SRFBP1: variants seen among roughly 807,000 people sequenced by gnomAD.
The protein encoded by SRFBP1 is serum response factor binding protein 1.
SRFBP1 carries 47 observed loss-of-function variants against 45.5 expected under a neutral mutation model. The observed-to-expected ratio is 1.03, with a 90% CI of 0.82 to 1.32. SRFBP1 has a LOEUF of 1.32. SRFBP1 is among the 40% of genes most tolerant of loss of function. The pLI, the probability that SRFBP1 is intolerant of heterozygous loss-of-function variation, is 0.00. For synonymous variants in SRFBP1, 203 were observed against 166.3 expected, an observed-to-expected ratio of 1.22 and a Z score of -1.70; for missense variants, 621 against 484.6, an observed-to-expected ratio of 1.28 and a Z score of -2.64.
intron 1 of SRFBP1, among the ~76,000 whole-genome samples, chr5:121,967,864 T>G (rs977743600): frequency 1.3e-5 from 2 of 152,142 alleles, no homozygotes; most frequent in African/African-American, 4.8e-5. Flanking sequence ...ACCCAATAAT[T>G]TTGTTAACTA....
In SRFBP1 at chr5:121,995,130, C is replaced by G. The variant is rs539251963; in HGVS notation, c.270+460C>G. 3.8e-3 allele frequency among the ~76,000 whole-genome samples: 573 copies of G among 151,430 alleles called. 5 individuals are homozygous for G. Among genetic ancestry groups the G allele is most frequent in the African/African-American group, 0.013 (520 of 41,230 alleles). ...CGAGACAGAAAGTCAACAAGGATAC[C>G]CAGGAATTGAACTCAGCTCTGCACC... On this transcript the variant is annotated intron_variant, in intron 4 of 7. Coordinates refer to ENST00000339397, the MANE Select transcript of SRFBP1 (RefSeq NM_152546.3).
At chr5:122,056,870 TAGTC>T (rs543754832) in intron 2 of SRFBP1, among the ~76,000 whole-genome samples, 296 of 152,128 alleles carry the variant, frequency 1.9e-3, no homozygotes, top group Non-Finnish European at 3.6e-3. Context: ...CTAAGGGAAA[TAGTC>T]AGTTGTCTAG....
chr5:122,033,536 C>T (rs1232894049), downstream of SRFBP1, among the ~76,000 whole-genome samples: 1 of 151,826 alleles, frequency 6.6e-6, no homozygotes, highest in Non-Finnish European at 1.5e-5. Context: ...TCTTGACTCA[C>T]TGCAACCTCT....
At chr5:121,972,175 T>C (rs1752212495) in intron 1 of SRFBP1, among the ~76,000 whole-genome samples, 1 of 151,880 alleles carries the variant, frequency 6.6e-6, no homozygotes, top group Non-Finnish European at 1.5e-5. Context: ...TAGTAGAGGT[T>C]CTAGGAAGGC....
Position 121,962,009 on chromosome 5 carries a change from G to A in SRFBP1, c.-24G>A, listed in dbSNP as rs768943009. On this transcript the variant is annotated 5_prime_UTR_variant, in exon 1 of 8. Coordinates refer to ENST00000339397, the MANE Select transcript of SRFBP1 (RefSeq NM_152546.3). ...GAGACCGGTTCACGTGCAGGCAGCG[G>A]CGGATCATATTCCTTCATCTACCAT... 51 of 1,613,254 alleles carry A rather than the reference G, an allele frequency of 3.2e-5. No individual in the cohort carries two copies. Among genetic ancestry groups the A allele is most frequent in the Non-Finnish European group, 4.1e-5 (48 of 1,179,848 alleles).
intron 2 of SRFBP1, among the ~76,000 whole-genome samples, chr5:122,033,733 A>G (rs2112722962): frequency 6.6e-6 from 1 of 150,992 alleles, no homozygotes; most frequent in South Asian, 2.1e-4. Context: ...CGCTGGGATT[A>G]CATGTGTGAG....
chr5:122,052,383 A>G (rs969421327), intron 2 of SRFBP1, among the ~76,000 whole-genome samples: 1 of 152,136 alleles, frequency 6.6e-6, no homozygotes, highest in Non-Finnish European at 1.5e-5. Flanking sequence ...CAGGGATGCC[A>G]GTGAGTTGTA....
chr5:122,024,075 G>T (rs529277272), intron 7 of SRFBP1, among the ~76,000 whole-genome samples: 1 of 152,266 alleles, frequency 6.6e-6, no homozygotes, highest in South Asian at 2.1e-4. Flanking sequence ...GGAGTCAAAG[G>T]CTTTTCTAAA....
chr5:122,066,432 A>C (rs569562204), intron 2 of SRFBP1: 2 of 303,596 alleles, frequency 6.6e-6, no homozygotes, highest in Non-Finnish European at 1.2e-5. Context: ...ATTTTGCACT[A>C]CAATTTCAAA....
chr5:122,044,976 G>A (rs1416450095), intron 2 of SRFBP1, among the ~76,000 whole-genome samples: 1 of 152,074 alleles, frequency 6.6e-6, no homozygotes, highest in Non-Finnish European at 1.5e-5. Context: ...GTCTTTCAGG[G>A]TTTTTATAGT....
At chr5:122,015,326 G>T (rs1753174363) in intron 4 of SRFBP1, among the ~76,000 whole-genome samples, 1 of 152,136 alleles carries the variant, frequency 6.6e-6, no homozygotes, top group Non-Finnish European at 1.5e-5. Context: ...ATAATCTGTT[G>T]CTTTAATTTG....
At chr5:121,988,740 G>A (rs961339400) in intron 3 of SRFBP1, among the ~76,000 whole-genome samples, 1 of 152,274 alleles carries the variant, frequency 6.6e-6, no homozygotes, top group African/African-American at 2.4e-5. Context: ...TTGGTACCTT[G>A]TGGCCCACAG....
intron 4 of SRFBP1, among the ~76,000 whole-genome samples, chr5:121,997,993 A>G (rs1406048284): frequency 7.9e-5 from 12 of 151,708 alleles, no homozygotes; most frequent in Admixed American, 3.3e-4. Flanking sequence ...TTAGAATGGC[A>G]ATCATTAAAA....
downstream of SRFBP1, among the ~76,000 whole-genome samples, chr5:122,032,228 GTATTT>G (rs1753600539): frequency 6.6e-6 from 1 of 151,270 alleles, no homozygotes; most frequent in Admixed American, 6.6e-5. Context: ...GGTTCTGACA[GTATTT>G]TATTTTAATG....
chr5:121,964,741 A>G (rs1395266494), intron 1 of SRFBP1, among the ~76,000 whole-genome samples: 3 of 152,124 alleles, frequency 2.0e-5, no homozygotes, highest in African/African-American at 4.8e-5. Context: ...TGGTATTTCT[A>G]TTGCTAGATC....
At chr5:122,062,802 A>C (rs556095874) in intron 2 of SRFBP1, among the ~76,000 whole-genome samples, 1 of 152,118 alleles carries the variant, frequency 6.6e-6, no homozygotes, top group African/African-American at 2.4e-5. Context: ...GTGCATATTT[A>C]AATAAGGATT....
intron 3 of SRFBP1, among the ~76,000 whole-genome samples, chr5:121,984,761 T>G (rs1332247315): frequency 6.6e-6 from 1 of 151,754 alleles, no homozygotes; most frequent in East Asian, 1.9e-4. Context: ...AAAGTTACGC[T>G]AAAACTAGTA....
rs1264796603 is a variant in SRFBP1 at position 122,027,252 on chromosome 5, C to T, written c.*126C>T. ...CACAGCTCACTGCAGCCTCAAACTC[C>T]TGGGCTCAAGTGATCCTCCCACCTC... On this transcript the variant is annotated 3_prime_UTR_variant, in exon 8 of 8. Coordinates refer to ENST00000339397, the MANE Select transcript of SRFBP1 (RefSeq NM_152546.3). 1.3e-6 allele frequency: 1 copy of T among 759,994 alleles called. No individual in the cohort carries two copies. The highest frequency in any genetic ancestry group is 2.0e-6 in the Non-Finnish European group (1 of 488,768). The allele number at this position is 759,994 out of a possible 1,614,324, so 47.1% of individuals were successfully genotyped here. A position where few individuals can be genotyped will look rare whatever the true frequency, so the allele number is the denominator to read the frequency against.
chr5:122,038,884 G>A (rs73285762), intron 2 of SRFBP1, among the ~76,000 whole-genome samples: 5,578 of 152,044 alleles, frequency 0.037, 355 homozygotes, highest in African/African-American at 0.13. Context: ...ACTTTCTCAG[G>A]GAAGAGGTGG....
Sources: gnomAD v4.1 joint callset for allele counts (sites outside exome capture counted in the v4.1 genomes callset) on GRCh38, gnomAD v4.1.1 for gene constraint, MANE v1.5 for transcripts, NCBI Gene and HGNC (gene_info 2026-07-23, HGNC 2026-07-21) for gene names.